Variants in EXOC6B observed in about 807,000 individuals in gnomAD.
EXOC6B encodes SEC15 homolog B.
EXOC6B carries 54 observed loss-of-function variants against 113.5 expected under a neutral mutation model. That is an observed-to-expected ratio of 0.48 (90% CI 0.38 to 0.60). The LOEUF is 0.60. Among genes scored for constraint, EXOC6B ranks in the 20% least tolerant of loss-of-function variants. The probability of loss-of-function intolerance (pLI) is 0.00; values close to 1 mark genes in which losing one functional copy is unlikely to be tolerated. For synonymous variants in EXOC6B, 357 were observed against 339.0 expected, an observed-to-expected ratio of 1.05 and a Z score of -0.58; for missense variants, 797 against 977.5, an observed-to-expected ratio of 0.82 and a Z score of 2.46.
chr2:72,686,799 T>C (rs1677118237), intron 6 of EXOC6B, among the ~76,000 whole-genome samples: 1 of 152,124 alleles, frequency 6.6e-6, no homozygotes, highest in South Asian at 2.1e-4. Context: ...ATTCAATATG[T>C]CCTACACAAA....
chr2:72,452,461 A>G (rs1558680755), intron 18 of EXOC6B, among the ~76,000 whole-genome samples: 1 of 152,206 alleles, frequency 6.6e-6, no homozygotes. Flanking sequence ...TGAGACAATA[A>G]TATCTACAGG....
At chr2:72,609,429 C>T (rs968730400) in intron 6 of EXOC6B, among the ~76,000 whole-genome samples, 2 of 151,270 alleles carry the variant, frequency 1.3e-5, no homozygotes, top group African/African-American at 4.9e-5. Flanking sequence ...TACTGAAAAA[C>T]GTAATATCTG....
intron 6 of EXOC6B, among the ~76,000 whole-genome samples, chr2:72,655,158 C>G (rs1485803586): frequency 4.6e-5 from 7 of 152,086 alleles, no homozygotes; most frequent in Non-Finnish European, 1.0e-4. Context: ...AACAAGTAAA[C>G]AGATTTTAGT....
intron 20 of EXOC6B, among the ~76,000 whole-genome samples, chr2:72,221,723 A>C (rs1193476020): frequency 1.3e-5 from 2 of 152,206 alleles, no homozygotes; most frequent in African/African-American, 4.8e-5. Context: ...GAATAAGTGA[A>C]TGAATGAATA....
At chr2:72,486,367 TC>T (rs1699422073) in intron 16 of EXOC6B, among the ~76,000 whole-genome samples, 1 of 146,784 alleles carries the variant, frequency 6.8e-6, no homozygotes, top group Non-Finnish European at 1.5e-5. Context: ...AGACTCCATC[TC>T]AAAAAAAAAA....
chr2:72,607,411 C>T (rs1447780798), intron 6 of EXOC6B, among the ~76,000 whole-genome samples: 1 of 152,158 alleles, frequency 6.6e-6, no homozygotes, highest in Non-Finnish European at 1.5e-5. Flanking sequence ...AAATAAACCT[C>T]TTTTCTTTAT....
chr2:72,353,534 G>A (rs951776256), intron 19 of EXOC6B, among the ~76,000 whole-genome samples: 3 of 151,838 alleles, frequency 2.0e-5, no homozygotes, highest in African/African-American at 7.3e-5. Flanking sequence ...ACCATGCCCG[G>A]CTACTTTTTT....
chr2:72,415,957 A>G (rs955870205), intron 18 of EXOC6B, among the ~76,000 whole-genome samples: 4 of 152,212 alleles, frequency 2.6e-5, no homozygotes, highest in Non-Finnish European at 5.9e-5. Context: ...CAGGCAGTTT[A>G]AATTAGGTTA....
At chr2:72,529,449 G>A (rs1701889641) in intron 8 of EXOC6B, among the ~76,000 whole-genome samples, 1 of 151,934 alleles carries the variant, frequency 6.6e-6, no homozygotes, top group African/African-American at 2.4e-5. Flanking sequence ...ATTTTACCTG[G>A]CTTTACCTTA....
At chr2:72,410,090 T>C (rs1016825832) in intron 18 of EXOC6B, among the ~76,000 whole-genome samples, 2 of 152,184 alleles carry the variant, frequency 1.3e-5, no homozygotes, top group Non-Finnish European at 2.9e-5. Flanking sequence ...CTGTAATCCT[T>C]TGACTCTTCC....
intron 8 of EXOC6B, among the ~76,000 whole-genome samples, chr2:72,528,269 T>G (rs1701831686): frequency 6.6e-6 from 1 of 152,108 alleles, no homozygotes; most frequent in Non-Finnish European, 1.5e-5. Flanking sequence ...CAAAGTTCTA[T>G]CACGCTCATT....
At chr2:72,335,118 A>G in intron 19 of EXOC6B, 98 bp from the exon 20 acceptor site, 1 of 1,061,204 alleles carries the variant, frequency 9.4e-7, no homozygotes, top group Non-Finnish European at 1.5e-6. Flanking sequence ...GCTGGGGGAG[A>G]GGAGGACCAA....
chr2:72,213,543 T>TC (rs138756767), intron 20 of EXOC6B, among the ~76,000 whole-genome samples: 18,066 of 151,616 alleles, frequency 0.12, 1,331 homozygotes, highest in Admixed American at 0.16. Context: ...GAGGAATGAA[T>TC]TGCCTTAGAA....
At chr2:72,534,259 T>G (rs983864791) in intron 8 of EXOC6B, among the ~76,000 whole-genome samples, 3 of 152,182 alleles carry the variant, frequency 2.0e-5, no homozygotes, top group Non-Finnish European at 4.4e-5. Context: ...ACTTTGGTTA[T>G]TTTCTAGTTT....
intron 18 of EXOC6B, among the ~76,000 whole-genome samples, chr2:72,451,719 T>C (rs1696932745): frequency 6.6e-6 from 1 of 151,102 alleles, no homozygotes; most frequent in African/African-American, 2.5e-5. Flanking sequence ...GAAGGTAGTT[T>C]TTCCTTAGGA....
chr2:72,528,151 C>T (rs977214181), intron 8 of EXOC6B, among the ~76,000 whole-genome samples: 14 of 151,944 alleles, frequency 9.2e-5, no homozygotes, highest in African/African-American at 3.1e-4. Context: ...AAGATTTTCC[C>T]CTATTTTTTT....
At chr2:72,824,222 C>T (rs1346644147) in intron 1 of EXOC6B, among the ~76,000 whole-genome samples, 4 of 151,974 alleles carry the variant, frequency 2.6e-5, no homozygotes, top group Admixed American at 2.0e-4. Context: ...CCCATCTCTA[C>T]AAAAAGTTTA....
intron 18 of EXOC6B, among the ~76,000 whole-genome samples, chr2:72,417,983 A>G (rs1288532747): frequency 1.3e-5 from 2 of 151,970 alleles, no homozygotes; most frequent in Non-Finnish European, 2.9e-5. Context: ...TTATTTTACT[A>G]TTTTCATATT....
intron 6 of EXOC6B, among the ~76,000 whole-genome samples, chr2:72,688,891 TACA>T (rs1677286870): frequency 6.6e-6 from 1 of 152,212 alleles, no homozygotes; most frequent in African/African-American, 2.4e-5. Flanking sequence ...TGCACAACTG[TACA>T]ACATTTTAGT....
Sources: allele counts gnomAD v4.1 joint callset (sites outside exome capture counted in the v4.1 genomes callset), GRCh38; gene constraint gnomAD v4.1.1; transcripts MANE v1.5; gene names NCBI Gene and HGNC (gene_info 2026-07-23, HGNC 2026-07-21).